DIP2B: variants seen among roughly 807,000 people sequenced by gnomAD.
DIP2B encodes the protein DIP2 acetate--CoA ligase B (putative).
Under a neutral mutation model 198.0 loss-of-function variants are expected in DIP2B, and 76 were observed. That is an observed-to-expected ratio of 0.38 (90% CI 0.32 to 0.46). The LOEUF (loss-of-function observed/expected upper bound fraction) is 0.46, where lower values mean the gene tolerates loss of function less well. Among genes scored for constraint, DIP2B ranks in the 20% least tolerant of loss-of-function variants. The pLI is 0.99. For missense variants in DIP2B, 1,559 were observed against 1,978.4 expected, an observed-to-expected ratio of 0.79 and a Z score of 4.02; for synonymous variants, 701 against 739.1, an observed-to-expected ratio of 0.95 and a Z score of 0.84.
intron 14 of DIP2B, among the ~76,000 whole-genome samples, chr12:50,694,487 T>C (rs1245540393): frequency 6.6e-6 from 1 of 151,268 alleles, no homozygotes; most frequent in Non-Finnish European, 1.5e-5. Context: ...AGAGCAGGAC[T>C]CTGTCTCAGA....
At chr12:50,667,030 A>T (rs533420040) in intron 4 of DIP2B, among the ~76,000 whole-genome samples, 43 of 152,256 alleles carry the variant, frequency 2.8e-4, no homozygotes, top group African/African-American at 1.0e-3. Context: ...CACCACACTT[A>T]GCTAAGTTTT....
intron 1 of DIP2B, among the ~76,000 whole-genome samples, chr12:50,520,035 C>CTTTTT (rs35179881): frequency 2.4e-4 from 24 of 100,598 alleles, no homozygotes; most frequent in East Asian, 3.0e-4. Context: ...ATTGAATCTC[C>CTTTTT]TTTTTTTTTT....
intron 1 of DIP2B, among the ~76,000 whole-genome samples, chr12:50,529,207 C>T (rs994983802): frequency 2.6e-5 from 4 of 152,074 alleles, no homozygotes. Flanking sequence ...TGGGAAGATA[C>T]CTGAACTCAG....
chr12:50,742,407 A>AC (rs1940263799), intron 37 of DIP2B, among the ~76,000 whole-genome samples: 2 of 144,666 alleles, frequency 1.4e-5, no homozygotes, highest in East Asian at 3.9e-4. Flanking sequence ...AAAAAAAAAA[A>AC]AAAAAAAAAA....
Position 50,745,192 on chromosome 12 carries a change from G to T in DIP2B, c.*353G>T, listed in dbSNP as rs1940325739. On this transcript the variant is annotated 3_prime_UTR_variant, in exon 38 of 38. Transcript: ENST00000301180. ...AATTTAATGAATTCACATGAAAGGG[G>T]TAGTCTGAGTGACACAGTTCCCCAC... is the stretch of plus-strand genomic sequence containing the variant. 7.0e-6 allele frequency: 2 copies of T among 284,060 alleles called. No homozygotes were observed. The highest frequency in any genetic ancestry group is 4.8e-5 in the Admixed American group (1 of 20,762). The allele number at this position is 284,060 out of a possible 1,614,324, so 17.6% of individuals were successfully genotyped here.
At chr12:50,740,029 T>A (rs573667782) in intron 36 of DIP2B, among the ~76,000 whole-genome samples, 1 of 152,336 alleles carries the variant, frequency 6.6e-6, no homozygotes, top group Non-Finnish European at 1.5e-5. Context: ...GTGTCTTGCG[T>A]TGGACACAGC....
intron 1 of DIP2B, among the ~76,000 whole-genome samples, chr12:50,592,535 T>C (rs1301948425): frequency 1.3e-5 from 2 of 152,092 alleles, no homozygotes; most frequent in African/African-American, 4.8e-5. Context: ...TGGAGTGCAG[T>C]GGCACGATCT....
intron 2 of DIP2B, among the ~76,000 whole-genome samples, chr12:50,628,910 G>A (rs1270937436): frequency 6.6e-6 from 1 of 151,958 alleles, no homozygotes; most frequent in Non-Finnish European, 1.5e-5. Flanking sequence ...GCAGGGTCTG[G>A]CTCTGTCGCC....
chr12:50,610,831 C>T (rs1452325052), intron 1 of DIP2B, among the ~76,000 whole-genome samples: 2 of 137,140 alleles, frequency 1.5e-5, no homozygotes, highest in Admixed American at 1.6e-4. Flanking sequence ...GAGATGGAGG[C>T]TCGCTCTGTT....
In DIP2B at chr12:50,603,725, A is replaced by G. The variant is rs182244479; in HGVS notation, c.101-22251A>G. Among the ~76,000 whole-genome samples the G allele has an allele frequency of 4.8e-3, 721 of 149,782 alleles. 8 individuals carry two copies. The highest frequency in any genetic ancestry group is 0.017 in the African/African-American group (678 of 40,846). ...CAACAGAATGAGACCTTGCCTTTGG[A>G]AAAAAAAAAGACTCAAGTCATTTTG... On this transcript the variant is annotated intron_variant, in intron 1 of 37. Transcript: ENST00000301180.
intron 23 of DIP2B, among the ~76,000 whole-genome samples, chr12:50,717,546 T>G (rs909686959): frequency 6.6e-6 from 1 of 151,782 alleles, no homozygotes; most frequent in Non-Finnish European, 1.5e-5. Context: ...TTTTTGTATT[T>G]TTAGTAGAGA....
intron 1 of DIP2B, among the ~76,000 whole-genome samples, chr12:50,609,491 T>C (rs1415872171): frequency 6.6e-6 from 1 of 152,244 alleles, no homozygotes; most frequent in East Asian, 1.9e-4. Flanking sequence ...TCCTTCATCA[T>C]CTACTGGTCT....
At chr12:50,615,222 G>A (rs979550604) in intron 1 of DIP2B, among the ~76,000 whole-genome samples, 1 of 152,000 alleles carries the variant, frequency 6.6e-6, no homozygotes, top group Admixed American at 6.6e-5. Flanking sequence ...GAAAGAAGAA[G>A]CAATAATGAA....
chr12:50,578,036 G>A (rs1290284176), intron 1 of DIP2B, among the ~76,000 whole-genome samples: 1 of 152,050 alleles, frequency 6.6e-6, no homozygotes, highest in Non-Finnish European at 1.5e-5. Flanking sequence ...TTTCTTTTGA[G>A]ACAGGGTCTG....
Position 50,685,836 on chromosome 12 carries a change from G to A in DIP2B, c.1321G>A (p.Ala441Thr), listed in dbSNP as rs746453658. ...PIEVPLTRKD[A>T]GGQQIGFLLG... ...GTTCATTATCATTTCTCCACAGGAT[G>A]CTGGAGGTCAGCAGATTGGCTTCTT... The change falls in exon 11 of 38, where the codon GCT (alanine) becomes ACT (threonine). Residue 441 changes from alanine to threonine, a missense_variant. By Grantham distance (58) the Ala-to-Thr change is moderately conservative (BLOSUM62 0). Coordinates refer to ENST00000301180, the MANE Select transcript of DIP2B (RefSeq NM_173602.3). The A allele has an allele frequency of 5.0e-6, 8 of 1,613,368 alleles. No individual in the cohort carries two copies. The Admixed American group carries it at 1.3e-4, about 27-fold the overall frequency.
At chr12:50,633,002 C>T (rs928720743) in intron 2 of DIP2B, among the ~76,000 whole-genome samples, 10 of 151,856 alleles carry the variant, frequency 6.6e-5, no homozygotes, top group South Asian at 2.1e-4. Context: ...TGGTCTCAAA[C>T]GCCTGGGCTC....
rs763943522 is a variant in DIP2B, at chr12:50,735,062, T to C, written c.4044-11T>C. On this transcript the variant is annotated splice_polypyrimidine_tract_variant and intron_variant, in intron 33 of 37. Coordinates refer to ENST00000301180, the MANE Select transcript of DIP2B (RefSeq NM_173602.3). ...AAAGCCCTATATATAGTAAATACCG[T>C]TCTTCTGCAGGGTTCGTCTCGTGGA... is the stretch of plus-strand genomic sequence containing the variant. 1 of 1,614,110 alleles carries C rather than the reference T, an allele frequency of 6.2e-7. No individual in the cohort carries two copies. The highest frequency in any genetic ancestry group is 8.5e-7 in the Non-Finnish European group (1 of 1,180,008).
chr12:50,545,119 AT>A (rs1388945866), intron 1 of DIP2B, among the ~76,000 whole-genome samples: 1 of 151,892 alleles, frequency 6.6e-6, no homozygotes, highest in African/African-American at 2.4e-5. Flanking sequence ...TGTTTTGTAT[AT>A]GTTTTGTGGT....
At chr12:50,710,547 C>T (rs1447422617) in intron 22 of DIP2B, among the ~76,000 whole-genome samples, 1 of 152,112 alleles carries the variant, frequency 6.6e-6, no homozygotes. Context: ...TCTCAGACTC[C>T]CAAGTAGCTG....
Sources: gnomAD v4.1 joint callset for allele counts (sites outside exome capture counted in the v4.1 genomes callset) on GRCh38, gnomAD v4.1.1 for gene constraint, MANE v1.5 for transcripts, NCBI Gene and HGNC (gene_info 2026-07-23, HGNC 2026-07-21) for gene names.